The following UNC5D variants were observed in gnomAD, a reference collection of about 807,000 sequenced individuals.
The protein encoded by UNC5D is unc-5 netrin receptor D.
UNC5D carries 39 observed loss-of-function variants against 105.4 expected under a neutral mutation model. The ratio of observed to expected loss-of-function variants is 0.37; its 90% CI spans 0.29 to 0.48. The LOEUF (loss-of-function observed/expected upper bound fraction) is 0.48, where lower values mean the gene tolerates loss of function less well. UNC5D is among the 20% of genes least tolerant of loss of function. The pLI, the probability that UNC5D is intolerant of heterozygous loss-of-function variation, is 0.98. For synonymous variants in UNC5D, 452 were observed against 450.4 expected (o/e 1.00, Z -0.04); for missense variants, 991 against 1,202.4 (o/e 0.82, Z 2.60).
chr8:35,750,253 T>A (rs1372433734), intron 12 of UNC5D, among the ~76,000 whole-genome samples: 1 of 152,008 alleles, frequency 6.6e-6, no homozygotes, highest in South Asian at 2.1e-4. Flanking sequence ...TTCTCCTGCC[T>A]CAGACCCGAC....
intron 1 of UNC5D, among the ~76,000 whole-genome samples, chr8:35,539,830 ATGT>A (rs1815139911): frequency 6.6e-6 from 1 of 152,222 alleles, no homozygotes; most frequent in African/African-American, 2.4e-5. Flanking sequence ...AGAGAATTTA[ATGT>A]TGTTTGTTCC....
chr8:35,567,870 G>T (rs1046726101), intron 2 of UNC5D, among the ~76,000 whole-genome samples: 3 of 152,180 alleles, frequency 2.0e-5, no homozygotes, highest in Non-Finnish European at 4.4e-5. Flanking sequence ...CTATTCTATT[G>T]CATGGGAGCC....
intron 1 of UNC5D, among the ~76,000 whole-genome samples, chr8:35,496,163 AAGG>A (rs1005702309): frequency 1.3e-5 from 2 of 152,172 alleles, no homozygotes; most frequent in Non-Finnish European, 2.9e-5. Flanking sequence ...GTGCAATCTA[AAGG>A]AGGAGTAGAA....
intron 6 of UNC5D, among the ~76,000 whole-genome samples, chr8:35,685,314 C>G (rs552428407): frequency 2.0e-5 from 3 of 152,102 alleles, no homozygotes; most frequent in African/African-American, 7.2e-5. Flanking sequence ...ACTTCATTTA[C>G]CAAGTATGGC....
intron 1 of UNC5D, among the ~76,000 whole-genome samples, chr8:35,296,330 T>C (rs1807485475): frequency 6.6e-6 from 1 of 152,214 alleles, no homozygotes; most frequent in Admixed American, 6.5e-5. Context: ...TGTTATCTTT[T>C]GTCCTCTTGA....
At chr8:35,483,606 T>G (rs1282040031) in intron 1 of UNC5D, among the ~76,000 whole-genome samples, 1 of 152,174 alleles carries the variant, frequency 6.6e-6, no homozygotes, top group Non-Finnish European at 1.5e-5. Flanking sequence ...CACTTCTACA[T>G]AGTAGTATGG....
At chr8:35,520,253 T>C (rs921286884) in intron 1 of UNC5D, among the ~76,000 whole-genome samples, 2 of 152,086 alleles carry the variant, frequency 1.3e-5, no homozygotes, top group Admixed American at 6.6e-5. Context: ...CATCAAGATA[T>C]GCTACAACAT....
At chr8:35,724,017 A>T (rs765068966) in intron 9 of UNC5D, 39 of 700,782 alleles carry the variant, frequency 5.6e-5, no homozygotes, top group African/African-American at 7.3e-5. Flanking sequence ...GCGCTCACAA[A>T]TGCAGCGAAT....
chr8:35,236,274 G>A (rs759420994), intron 1 of UNC5D, among the ~76,000 whole-genome samples: 16 of 152,326 alleles, frequency 1.1e-4, no homozygotes, highest in African/African-American at 3.4e-4. Context: ...TAGCGATGTC[G>A]GAGAGTTCCT....
intron 1 of UNC5D, among the ~76,000 whole-genome samples, chr8:35,284,226 G>T (rs1192982539): frequency 6.6e-6 from 1 of 152,090 alleles, no homozygotes; most frequent in Non-Finnish European, 1.5e-5. Flanking sequence ...ACTCATAGGG[G>T]GCATAAGCAA....
At chr8:35,434,187 A>G (rs1044893088) in intron 1 of UNC5D, among the ~76,000 whole-genome samples, 2 of 152,172 alleles carry the variant, frequency 1.3e-5, no homozygotes, top group Non-Finnish European at 1.5e-5. Context: ...CAAAATTGAC[A>G]GTAAATTAAA....
chr8:35,413,851 G>A (rs1008137760), intron 1 of UNC5D, among the ~76,000 whole-genome samples: 29 of 152,186 alleles, frequency 1.9e-4, no homozygotes, highest in African/African-American at 6.3e-4. Flanking sequence ...TTTTCTAGTA[G>A]GATAAGTCTT....
chr8:35,558,998 A>C (rs1462664054), intron 2 of UNC5D, among the ~76,000 whole-genome samples: 1 of 152,026 alleles, frequency 6.6e-6, no homozygotes, highest in African/African-American at 2.4e-5. Context: ...AAAAAAAAAA[A>C]GTCTGTTGCT....
intron 1 of UNC5D, among the ~76,000 whole-genome samples, chr8:35,407,523 A>G (rs190831589): frequency 6.6e-6 from 1 of 152,060 alleles, no homozygotes; most frequent in East Asian, 1.9e-4. Context: ...GTATGTATGT[A>G]TGTATGTATG....
intron 1 of UNC5D, among the ~76,000 whole-genome samples, chr8:35,236,423 C>A (rs915236288): frequency 6.2e-4 from 1 of 1,618 alleles, no homozygotes; most frequent in Admixed American, 6.3e-3. Flanking sequence ...CGTCCTTAGC[C>A]CGAGGTCCCA....
intron 1 of UNC5D, among the ~76,000 whole-genome samples, chr8:35,426,726 T>C (rs539819506): frequency 6.6e-6 from 1 of 152,272 alleles, no homozygotes; most frequent in African/African-American, 2.4e-5. Context: ...CACATGCCCC[T>C]TTTCAATGTT....
At chr8:35,649,265 A>G (rs570821474) in intron 4 of UNC5D, among the ~76,000 whole-genome samples, 1 of 152,218 alleles carries the variant, frequency 6.6e-6, no homozygotes, top group Non-Finnish European at 1.5e-5. Flanking sequence ...AGATTAAGAA[A>G]AGCAGGCAGG....
chr8:35,456,106 T>C (rs1808475440), intron 1 of UNC5D, among the ~76,000 whole-genome samples: 1 of 152,188 alleles, frequency 6.6e-6, no homozygotes, highest in Non-Finnish European at 1.5e-5. Flanking sequence ...AGGAGGAGAA[T>C]CCATTTATTA....
chr8:35,593,790 G>T (rs148236705), intron 3 of UNC5D, among the ~76,000 whole-genome samples: 2 of 151,980 alleles, frequency 1.3e-5, no homozygotes, highest in Non-Finnish European at 2.9e-5. Context: ...AAAAAAAACA[G>T]CTCCTTCATC....
Sources: allele counts gnomAD v4.1 joint callset (sites outside exome capture counted in the v4.1 genomes callset), GRCh38; gene constraint gnomAD v4.1.1; transcripts MANE v1.5; gene names NCBI Gene and HGNC (gene_info 2026-07-23, HGNC 2026-07-21).